DNM3: variants seen among roughly 807,000 people sequenced by gnomAD.
The protein encoded by DNM3 is dynamin 3, also known as dynamin-3.
In DNM3, 47 loss-of-function variants were observed where a neutral mutation model predicts 101.6. The observed-to-expected ratio is 0.46, with a 90% CI of 0.37 to 0.59. DNM3 has a LOEUF of 0.59. Ranked by LOEUF, DNM3 falls within the 20% of genes least tolerant of loss-of-function variation. The pLI is 0.00. For synonymous variants in DNM3, 385 were observed against 387.9 expected, an observed-to-expected ratio of 0.99 and a Z score of 0.09; for missense variants, 849 against 1,085.7, an observed-to-expected ratio of 0.78 and a Z score of 3.06.
At chr1:171,926,141 G>C (rs946381307) in intron 2 of DNM3, among the ~76,000 whole-genome samples, 2 of 152,138 alleles carry the variant, frequency 1.3e-5, no homozygotes, top group Admixed American at 6.6e-5. Flanking sequence ...TTGAAGTTGG[G>C]TAATGTGATG....
intron 16 of DNM3, among the ~76,000 whole-genome samples, chr1:172,318,270 A>C (rs2065496304): frequency 6.6e-6 from 1 of 152,050 alleles, no homozygotes; most frequent in African/African-American, 2.4e-5. Flanking sequence ...ACAAACCCAC[A>C]GCCAATATCA....
chr1:172,141,825 C>CTA (rs2057598712), intron 14 of DNM3, among the ~76,000 whole-genome samples: 1 of 152,028 alleles, frequency 6.6e-6, no homozygotes, highest in Non-Finnish European at 1.5e-5. Flanking sequence ...AAACTTTGTC[C>CTA]TATAGTAAAC....
intron 4 of DNM3, among the ~76,000 whole-genome samples, chr1:172,008,957 T>C (rs1471942318): frequency 1.4e-5 from 2 of 138,202 alleles, no homozygotes; most frequent in African/African-American, 2.7e-5. Flanking sequence ...ATTATATTAA[T>C]ATATTTATAT....
At chr1:172,258,514 T>C (rs2062512388) in intron 15 of DNM3, among the ~76,000 whole-genome samples, 1 of 152,142 alleles carries the variant, frequency 6.6e-6, no homozygotes, top group South Asian at 2.1e-4. Context: ...TGTCCAGGAA[T>C]GTATCCATTT....
At chr1:171,947,890 A>G (rs532850244) in intron 2 of DNM3, among the ~76,000 whole-genome samples, 3 of 152,352 alleles carry the variant, frequency 2.0e-5, no homozygotes, top group East Asian at 3.9e-4. Flanking sequence ...GAGAGGCCGT[A>G]TATGTTACAG....
At position 171,886,525 on chromosome 1, in the gene DNM3, C is replaced by T. The variant is rs377203037; in HGVS notation, c.162-35223C>T. On this transcript the variant is annotated intron_variant, in intron 1 of 20. Transcript: ENST00000627582. ...AATGATGCTTTTCTGGTTCCCACTT[C>T]CCCAACCCATTTTTTTTTTAAAGAA... Among the ~76,000 whole-genome samples, 8 of 152,158 alleles carry T rather than the reference C, an allele frequency of 5.3e-5. No homozygotes were observed. In the East Asian group the frequency reaches 1.5e-3, roughly 29 times the overall value.
intron 16 of DNM3, among the ~76,000 whole-genome samples, chr1:172,317,805 G>A (rs1039514877): frequency 6.6e-6 from 1 of 152,148 alleles, no homozygotes; most frequent in Admixed American, 6.5e-5. Flanking sequence ...AATTCTACCA[G>A]AGGTACAAGG....
chr1:171,889,685 A>C (rs2037091313), intron 1 of DNM3, among the ~76,000 whole-genome samples: 2 of 152,202 alleles, frequency 1.3e-5, no homozygotes, highest in Non-Finnish European at 2.9e-5. Context: ...AAAAACAAAA[A>C]TGGGTTAAAG....
At chr1:172,059,864 G>A (rs1033444384) in intron 10 of DNM3, among the ~76,000 whole-genome samples, 2 of 100,512 alleles carry the variant, frequency 2.0e-5, no homozygotes, top group East Asian at 3.9e-4. Flanking sequence ...GGCAGGAGAA[G>A]GAAATAAAGG....
intron 14 of DNM3, among the ~76,000 whole-genome samples, chr1:172,245,411 G>C (rs1176008305): frequency 6.6e-6 from 1 of 152,118 alleles, no homozygotes; most frequent in East Asian, 1.9e-4. Flanking sequence ...ATCCGACCAG[G>C]GTGCGAGGAA....
At chr1:172,139,471 C>T (rs1262890843) in intron 14 of DNM3, 1 of 153,270 alleles carries the variant, frequency 6.5e-6, no homozygotes, top group African/African-American at 2.4e-5. Flanking sequence ...TAATAGGATC[C>T]TACAAGGGAA....
rs565545097 is a variant in DNM3, at chr1:172,138,024, A to G, written c.1659+6736A>G. The stretch of plus-strand genomic sequence containing the variant: ...TATAGTGATGGAAGCATAGGTTGCA[A>G]GTGAATGTGTTGGCCTTGTAAATTC... On this transcript the variant is annotated intron_variant, in intron 14 of 20. Coordinates refer to ENST00000627582, the MANE Select transcript of DNM3 (RefSeq NM_015569.5). 3 of 152,282 alleles carry G rather than the reference A, an allele frequency of 2.0e-5. No individual in the cohort carries two copies. The South Asian group carries it at 6.2e-4, about 32-fold the overall frequency. 9.4% of individuals were successfully genotyped at this position (152,282 alleles called of 1,614,324 possible). A position where few individuals can be genotyped will look rare whatever the true frequency, so the allele number is the denominator to read the frequency against.
intron 17 of DNM3, among the ~76,000 whole-genome samples, chr1:172,328,518 G>T (rs2066036763): frequency 6.6e-6 from 1 of 152,140 alleles, no homozygotes; most frequent in African/African-American, 2.4e-5. Context: ...GTGAATTAAT[G>T]CAGTAACAGA....
chr1:172,037,205 G>C (rs1216494959), intron 6 of DNM3, among the ~76,000 whole-genome samples: 11 of 152,174 alleles, frequency 7.2e-5, no homozygotes. Flanking sequence ...CTGTAAACTA[G>C]TTCAACCCTT....
chr1:172,123,104 TA>T (rs1345438340), intron 13 of DNM3, among the ~76,000 whole-genome samples: 1 of 152,208 alleles, frequency 6.6e-6, no homozygotes, highest in Admixed American at 6.5e-5. Flanking sequence ...CCTAGAAGGT[TA>T]AAACCAGGAA....
chr1:171,908,981 C>G (rs75060710), intron 1 of DNM3, among the ~76,000 whole-genome samples: 2,272 of 152,152 alleles, frequency 0.015, 55 homozygotes, highest in African/African-American at 0.052. Flanking sequence ...TCCTCCCTCC[C>G]TTTTTTCCTT....
chr1:172,352,522 AT>A (rs1210990990), intron 17 of DNM3, among the ~76,000 whole-genome samples: 1 of 152,214 alleles, frequency 6.6e-6, no homozygotes, highest in Admixed American at 6.5e-5. Context: ...TCAAAAATGT[AT>A]AAACAAACTA....
At chr1:171,886,476 A>G (rs2036783502) in intron 1 of DNM3, among the ~76,000 whole-genome samples, 1 of 152,214 alleles carries the variant, frequency 6.6e-6, no homozygotes, top group African/African-American at 2.4e-5. Context: ...GGATACTGGT[A>G]TCACTGTGGC....
At chr1:172,231,777 C>T (rs577570647) in intron 14 of DNM3, among the ~76,000 whole-genome samples, 122 of 152,142 alleles carry the variant, frequency 8.0e-4, no homozygotes, top group Middle Eastern at 3.4e-3. Context: ...AACCATGGCA[C>T]GAGAACTATG....
Sources: gnomAD v4.1 joint callset for allele counts (sites outside exome capture counted in the v4.1 genomes callset) on GRCh38, gnomAD v4.1.1 for gene constraint, MANE v1.5 for transcripts, NCBI Gene and HGNC (gene_info 2026-07-23, HGNC 2026-07-21) for gene names.